Variants in DERL2 observed in about 807,000 individuals in gnomAD.
DERL2 encodes derlin-2.
Under a neutral mutation model 32.0 loss-of-function variants are expected in DERL2, and 13 were observed. That is an observed-to-expected ratio of 0.41 (90% CI 0.26 to 0.65). The LOEUF (loss-of-function observed/expected upper bound fraction) is 0.65, where lower values mean the gene tolerates loss of function less well. DERL2 is among the 30% of genes least tolerant of loss of function. The probability of loss-of-function intolerance (pLI) is 0.35; values close to 1 mark genes in which losing one functional copy is unlikely to be tolerated. For missense variants in DERL2, 208 were observed against 296.3 expected, an observed-to-expected ratio of 0.70 and a Z score of 2.19; for synonymous variants, 111 against 104.7, an observed-to-expected ratio of 1.06 and a Z score of -0.37.
chr17:5,473,260 G>A lies in DERL2; in HGVS notation c.*1424C>T, dbSNP rs955746584. ...GTTTGGAATCATCTCTTTCCTAGGG[G>A]TGCTCTTTCGACTCTTCCAGGTTCT... On this transcript the variant is annotated 3_prime_UTR_variant, in exon 7 of 7. Transcript: ENST00000158771. The A allele has an allele frequency of 5.3e-5, 8 of 152,148 alleles. No individual in the cohort carries two copies. The highest frequency in any genetic ancestry group is 1.9e-4 in the African/African-American group (8 of 41,416). 9.4% of individuals were successfully genotyped at this position (152,148 alleles called of 1,614,324 possible).
rs1469855812 is a variant in DERL2, at chr17:5,473,620, T to TAAAAA, written c.*1059_*1063dup. 8.4e-6 allele frequency: 1 copy of TAAAAA among 119,396 alleles called. No individual in the cohort carries two copies. 7.4% of individuals were successfully genotyped at this position (119,396 alleles called of 1,614,324 possible). ...CCTGTCTCTATTTTTTTTTTTTAAT[T>TAAAAA]AAAAAAACAAAAAACAAAACAAAAC... On this transcript the variant is annotated 3_prime_UTR_variant, in exon 7 of 7. Transcript: ENST00000158771.
rs764297327 is a variant in DERL2, at chr17:5,474,714, G to A, written c.690C>T (p.Ala230=). The change falls in exon 7 of 7, where the codon GCC becomes GCT. Residue 230 remains alanine, a synonymous_variant. Coordinates refer to ENST00000158771, the MANE Select transcript of DERL2 (RefSeq NM_016041.5). This position sits in a 1 kb window ranked among gnomAD's most constrained non-coding sequence, Gnocchi z 4.3. The part of the protein sequence containing the change: ...PLPEERPGGF[A]WGEGQRLGG Reference sequence around the variant, plus strand: ...CTCCAAGCCGCTGGCCCTCACCCCAGGCGAAGCCTCCTGGCCGTTCCTCAG... The same window carrying A: ...CTCCAAGCCGCTGGCCCTCACCCCAAGCGAAGCCTCCTGGCCGTTCCTCAG... 25 of 1,612,874 alleles carry A rather than the reference G, an allele frequency of 1.6e-5. No individual in the cohort carries two copies. In the East Asian group the frequency reaches 5.6e-4, roughly 36 times the overall value.
At chr17:5,482,506 C>T (rs541154604) in intron 3 of DERL2, 5 of 233,182 alleles carry the variant, frequency 2.1e-5, no homozygotes, top group Non-Finnish European at 3.4e-5. Flanking sequence ...TTTACGGCTT[C>T]GAACCTGTTG....
In DERL2 at chr17:5,486,061, C is replaced by T. The variant is rs1597376544; in HGVS notation, c.93+8G>A. On this transcript the variant is annotated splice_region_variant and intron_variant, in intron 1 of 6. Transcript: ENST00000158771. ...AGATAATGAGAAGGTGGCACTGCAGCTGCTCACCACGGCGGCGGTGGTGAG... is the reference window on the plus strand; with the variant it reads ...AGATAATGAGAAGGTGGCACTGCAGTTGCTCACCACGGCGGCGGTGGTGAG... 3 of 1,607,634 alleles carry T rather than the reference C, an allele frequency of 1.9e-6. No individual in the cohort carries two copies. Among genetic ancestry groups the T allele is most frequent in the African/African-American group, 2.7e-5 (2 of 74,860 alleles).
Position 5,471,436 on chromosome 17 carries a change from G to A in DERL2, c.*3248C>T, listed in dbSNP as rs558152470. 6.6e-6 allele frequency: 1 copy of A among 152,210 alleles called. No individual in the cohort carries two copies. The highest frequency in any genetic ancestry group is 6.5e-5 in the Admixed American group (1 of 15,290). The allele number at this position is 152,210 out of a possible 1,614,324, so 9.4% of individuals were successfully genotyped here. A position where few individuals can be genotyped will look rare whatever the true frequency, so the allele number is the denominator to read the frequency against. On this transcript the variant is annotated 3_prime_UTR_variant, in exon 7 of 7. Coordinates refer to ENST00000158771, the MANE Select transcript of DERL2 (RefSeq NM_016041.5). ...AACAGTACAAGACAATATATAATTT[G>A]GCGTTAAGAATGTCATACAGACTTG...
chr17:5,474,430 G>A lies in DERL2; in HGVS notation c.*254C>T. The A allele has an allele frequency of 2.6e-6, 1 of 380,454 alleles. No homozygotes were observed. The highest frequency in any genetic ancestry group is 5.0e-5 in the East Asian group (1 of 19,886). 23.6% of individuals were successfully genotyped at this position (380,454 alleles called of 1,614,324 possible). ...ATCAAGTACTCATGTACTTGTTAGA[G>A]GTGGCAGGATATTTGTTTCTCCAGT... On this transcript the variant is annotated 3_prime_UTR_variant, in exon 7 of 7. Coordinates refer to ENST00000158771, the MANE Select transcript of DERL2 (RefSeq NM_016041.5). This position sits in a 1 kb window ranked among gnomAD's most constrained non-coding sequence, Gnocchi z 4.3.
At chr17:5,480,301 G>T in intron 5 of DERL2, 86 bp downstream of exon 5, 2 of 1,395,612 alleles carry the variant, frequency 1.4e-6, no homozygotes, top group Non-Finnish European at 9.8e-7. Flanking sequence ...GGTAATACGT[G>T]AAGGCCAAAC....
intron 2 of DERL2, 98 bp downstream of exon 2, chr17:5,485,053 G>A: frequency 1.3e-6 from 1 of 778,204 alleles, no homozygotes; most frequent in South Asian, 2.1e-5. Flanking sequence ...GGTCCCCACT[G>A]GGTTCTTTTT....
intron 6 of DERL2, among the ~76,000 whole-genome samples, chr17:5,476,714 G>A (rs1407180140): frequency 6.6e-6 from 1 of 152,190 alleles, no homozygotes; most frequent in Non-Finnish European, 1.5e-5. Flanking sequence ...CCAGGAGGCG[G>A]AGGTTGCAGT....
chr17:5,484,407 T>A (rs1383561123), intron 2 of DERL2, among the ~76,000 whole-genome samples: 3 of 152,222 alleles, frequency 2.0e-5, no homozygotes, highest in African/African-American at 2.4e-5. Flanking sequence ...CCATCACGCC[T>A]GGCTAATTTT....
intron 1 of DERL2, 131 bp downstream of exon 1, chr17:5,485,938 T>G (rs773586740): frequency 1.5e-6 from 1 of 687,352 alleles, no homozygotes; most frequent in Non-Finnish European, 2.3e-6. Flanking sequence ...AACCCCAGAG[T>G]AATCCCTGTA....
chr17:5,484,610 T>C (rs1422735796), intron 2 of DERL2, among the ~76,000 whole-genome samples: 2 of 152,218 alleles, frequency 1.3e-5, no homozygotes, highest in African/African-American at 4.8e-5. Context: ...AACCACCATA[T>C]AGCTTTAGAT....
chr17:5,477,106 ACAGATGGAAAGGG>A (rs757834878), intron 6 of DERL2, among the ~76,000 whole-genome samples: 17 of 152,330 alleles, frequency 1.1e-4, no homozygotes, highest in Middle Eastern at 3.4e-3. Context: ...TCAGGTTAGG[ACAGATGGAAAGGG>A]CAGATGGAAA....
chr17:5,480,278 G>T, intron 5 of DERL2, 109 bp downstream of exon 5: 1 of 1,245,464 alleles, frequency 8.0e-7, no homozygotes. Context: ...TAATATTGTG[G>T]TATTTTACAA....
rs773047842 is a variant in DERL2 at position 5,481,141 on chromosome 17, T to C, written c.327+155A>G. On this transcript the variant is annotated intron_variant, in intron 4 of 6. Coordinates refer to ENST00000158771, the MANE Select transcript of DERL2 (RefSeq NM_016041.5). The surrounding 1 kb of genome is among the most constrained non-coding windows in gnomAD (Gnocchi z 4.4). Reference sequence around the variant, plus strand: ...CTTTGACTTGCTCATCCTGTCCGACTGCTAGGTTTGGAAACTTGTCACAGA... The same window carrying C: ...CTTTGACTTGCTCATCCTGTCCGACCGCTAGGTTTGGAAACTTGTCACAGA... 1.4e-6 allele frequency: 1 copy of C among 690,984 alleles called. No individual in the cohort carries two copies. Among genetic ancestry groups the C allele is most frequent in the South Asian group, 1.7e-5 (1 of 60,534 alleles). 42.8% of individuals were successfully genotyped at this position (690,984 alleles called of 1,614,324 possible). A position where few individuals can be genotyped will look rare whatever the true frequency, so the allele number is the denominator to read the frequency against.
intron 6 of DERL2, among the ~76,000 whole-genome samples, chr17:5,478,888 C>T (rs1443118622): frequency 3.3e-5 from 5 of 151,902 alleles, no homozygotes; most frequent in South Asian, 4.2e-4. Flanking sequence ...GGTGCGATCT[C>T]GGCTCACTGC....
rs1318768407 is a variant in DERL2, at chr17:5,482,351, G to C, written c.233+458C>G. ...TTTTCCTTTCAACAAACCGGAACTT[G>C]ACAAGCCCAGCAGACACAACCACTG... On this transcript the variant is annotated intron_variant, in intron 3 of 6. Coordinates refer to ENST00000158771, the MANE Select transcript of DERL2 (RefSeq NM_016041.5). 2.4e-5 allele frequency: 4 copies of C among 166,320 alleles called. No individual in the cohort carries two copies. In the South Asian group the frequency reaches 6.2e-4, roughly 26 times the overall value. The allele number at this position is 166,320 out of a possible 1,614,324, so 10.3% of individuals were successfully genotyped here.
upstream of DERL2, chr17:5,486,356 G>GCCCCCCCCCCCCCCCCC (rs150601778): frequency 2.7e-6 from 1 of 370,820 alleles, no homozygotes; most frequent in Non-Finnish European, 4.7e-6. Flanking sequence ...CGTCGCCACC[G>GCCCCCCCCCCCCCCCCC]CCCCCCCCCA....
chr17:5,478,311 T>G (rs1567610873), intron 6 of DERL2, among the ~76,000 whole-genome samples: 1 of 152,064 alleles, frequency 6.6e-6, no homozygotes, highest in Non-Finnish European at 1.5e-5. Context: ...GGGGCTTGAG[T>G]TAACAGTGTG....
Sources: allele counts gnomAD v4.1 joint callset (sites outside exome capture counted in the v4.1 genomes callset), GRCh38; gene constraint gnomAD v4.1.1; non-coding constraint Gnocchi (gnomAD v3.1); transcripts MANE v1.5; gene names NCBI Gene and HGNC (gene_info 2026-07-23, HGNC 2026-07-21).